The following TRIM37 variants were observed in gnomAD, a reference collection of about 807,000 sequenced individuals.
TRIM37 encodes the protein tripartite motif containing 37.
In TRIM37, 80 loss-of-function variants were observed where a neutral mutation model predicts 129.8. The ratio of observed to expected loss-of-function variants is 0.62; its 90% CI spans 0.51 to 0.74. TRIM37 has a LOEUF of 0.74. TRIM37 is among the 30% of genes least tolerant of loss of function. TRIM37 has a pLI of 0.00. For missense variants in TRIM37, 1,054 were observed against 1,176.5 expected (o/e 0.90, Z 1.52); for synonymous variants, 389 against 387.1 (o/e 1.00, Z -0.06).
downstream of TRIM37, among the ~76,000 whole-genome samples, chr17:58,977,803 C>T (rs1373343651): frequency 2.0e-5 from 3 of 152,104 alleles, 1 homozygote; most frequent in Admixed American, 1.3e-4. Context: ...AGTGCAGTGG[C>T]GCAATCTGGG....
At chr17:59,101,677 AATAT>A (rs1555701174) in intron 2 of TRIM37, among the ~76,000 whole-genome samples, 2,407 of 100,392 alleles carry the variant, frequency 0.024, 70 homozygotes, top group Middle Eastern at 0.039. Context: ...AAAAAAAAAA[AATAT>A]ATATATATAT....
chr17:59,070,899 G>A lies in TRIM37; in HGVS notation c.733C>T (p.Leu245Phe), dbSNP rs1395336733. 6.2e-7 allele frequency: 1 copy of A among 1,613,980 alleles called. No homozygotes were observed. The highest frequency in any genetic ancestry group is 8.5e-7 in the Non-Finnish European group (1 of 1,179,954). Residue 245 changes from leucine (L) to phenylalanine (F), a missense_variant, in exon 9 of 24, where the codon CTT (leucine) becomes TTT (phenylalanine). Coordinates refer to ENST00000262294, the MANE Select transcript of TRIM37 (RefSeq NM_015294.6). ...CGATGAACTTGCTGAAACATCATAA[G>A]GATCTCTGAGCTCTTAGATATCAAC... ...SELISKSSEILMMFQQVHRKP... is the reference protein window; with the variant it reads ...SELISKSSEIFMMFQQVHRKP...
At chr17:58,978,100 C>T (rs2031131112), downstream of TRIM37, among the ~76,000 whole-genome samples, 1 of 152,196 alleles carries the variant, frequency 6.6e-6, no homozygotes, top group Admixed American at 6.5e-5. Context: ...TCAGATTACT[C>T]AAGTGAGTTT....
intron 4 of TRIM37, among the ~76,000 whole-genome samples, chr17:59,085,536 A>C (rs1360371203): frequency 6.6e-6 from 1 of 152,184 alleles, no homozygotes; most frequent in Admixed American, 6.6e-5. Flanking sequence ...AAAAACAAAA[A>C]AGAGCAAGTG....
At chr17:59,037,661 T>G (rs2038700946) in intron 17 of TRIM37, among the ~76,000 whole-genome samples, 1 of 151,708 alleles carries the variant, frequency 6.6e-6, no homozygotes, top group Non-Finnish European at 1.5e-5. Context: ...AGAGTTCCTG[T>G]ACAACCCAGA....
At chr17:58,989,667 T>C (rs1285143251) in intron 24 of TRIM37, among the ~76,000 whole-genome samples, 1 of 151,714 alleles carries the variant, frequency 6.6e-6, no homozygotes, top group African/African-American at 2.4e-5. Context: ...GTTAAAAAAA[T>C]TACCTTAACT....
At chr17:59,091,608 A>T (rs867422895) in intron 2 of TRIM37, among the ~76,000 whole-genome samples, 7 of 75,494 alleles carry the variant, frequency 9.3e-5, no homozygotes, top group Non-Finnish European at 1.3e-4. Flanking sequence ...TATATATATA[A>T]TATATATATA....
intron 13 of TRIM37, among the ~76,000 whole-genome samples, chr17:59,054,587 C>T (rs2040656362): frequency 6.6e-6 from 1 of 152,144 alleles, no homozygotes; most frequent in South Asian, 2.1e-4. Context: ...CAGGCGTGAG[C>T]CACGGCACCC....
chr17:59,001,524 CA>C, intron 23 of TRIM37, 73 bp downstream of exon 23: 1 of 1,589,794 alleles, frequency 6.3e-7, no homozygotes, highest in Non-Finnish European at 8.6e-7. Flanking sequence ...GAAGTAGCAG[CA>C]GCAGAAGAAG....
chr17:59,106,558 A>G lies in TRIM37; in HGVS notation c.-97T>C. On this transcript the variant is annotated 5_prime_UTR_variant, in exon 1 of 24. Transcript: ENST00000262294. Reference sequence around the variant, plus strand: ...AGGTCGCCAGATCAAATCGCCGATAAAAGCCCGGCGCCCACGTCAGGGGGC... The same window carrying G: ...AGGTCGCCAGATCAAATCGCCGATAGAAGCCCGGCGCCCACGTCAGGGGGC... The G allele has an allele frequency of 1.3e-6, 2 of 1,484,238 alleles. No individual in the cohort carries two copies. Among genetic ancestry groups the G allele is most frequent in the South Asian group, 2.4e-5 (2 of 84,944 alleles). The allele number at this position is 1,484,238 out of a possible 1,614,324, so 91.9% of individuals were successfully genotyped here.
At chr17:59,009,103 C>G (rs1158569846) in intron 22 of TRIM37, among the ~76,000 whole-genome samples, 1 of 152,088 alleles carries the variant, frequency 6.6e-6, no homozygotes, top group Non-Finnish European at 1.5e-5. Flanking sequence ...GGTTCAAATT[C>G]TAGCTCTTCC....
chr17:59,083,878 A>C (rs971109052), intron 5 of TRIM37, 124 bp downstream of exon 5: 1 of 803,312 alleles, frequency 1.2e-6, no homozygotes, highest in African/African-American at 1.7e-5. Flanking sequence ...TAAAGCGTAT[A>C]GAAAGCAGAT....
In TRIM37 at chr17:59,009,443, CTTTTTTT is replaced by C. The variant is rs61545184; in HGVS notation, c.2695+2878_2695+2884del. The stretch of plus-strand genomic sequence containing the variant: ...CATGCCCAACCTTCCAATTTCTTTT[CTTTTTTT>C]TTTTTTTTTTTTGAGACGAAGTTTC... On this transcript the variant is annotated intron_variant, in intron 22 of 23. Coordinates refer to ENST00000262294, the MANE Select transcript of TRIM37 (RefSeq NM_015294.6). 8.9e-4 allele frequency among the ~76,000 whole-genome samples: 96 copies of C among 107,610 alleles called. 1 individual carries two copies. Among genetic ancestry groups the C allele is most frequent in the African/African-American group, 3.0e-3 (93 of 31,060 alleles). 70.6% of individuals were successfully genotyped at this position (107,610 alleles called of 152,430 possible). A position where few individuals can be genotyped will look rare whatever the true frequency, so the allele number is the denominator to read the frequency against.
intron 9 of TRIM37, among the ~76,000 whole-genome samples, chr17:59,065,633 G>A (rs1350005321): frequency 6.6e-6 from 1 of 152,170 alleles, no homozygotes; most frequent in Non-Finnish European, 1.5e-5. Flanking sequence ...ATCATACGAT[G>A]TTTTAATAGT....
At chr17:59,022,703 A>G (rs995111217) in intron 19 of TRIM37, among the ~76,000 whole-genome samples, 2 of 152,230 alleles carry the variant, frequency 1.3e-5, no homozygotes, top group African/African-American at 4.8e-5. Context: ...AGTAAATGTT[A>G]GCCATTATTG....
chr17:59,032,664 CAG>C (rs1226974345), intron 17 of TRIM37, among the ~76,000 whole-genome samples: 2 of 151,054 alleles, frequency 1.3e-5, no homozygotes, highest in East Asian at 3.9e-4. Context: ...TAGAAAAAAA[CAG>C]ATGACAATGT....
At chr17:59,012,528 C>G (rs2035421350) in intron 21 of TRIM37, 82 bp from the exon 22 acceptor site, 2 of 951,342 alleles carry the variant, frequency 2.1e-6, no homozygotes, top group Middle Eastern at 2.9e-4. Flanking sequence ...GAGCACCAAA[C>G]TAAGTAGGGT....
At chr17:58,980,596 A>T (rs144328670), downstream of TRIM37, 24 of 1,614,212 alleles carry the variant, frequency 1.5e-5, no homozygotes, top group South Asian at 2.0e-4. The surrounding 1 kb of genome is among the most constrained non-coding windows in gnomAD (Gnocchi z 4.7). Flanking sequence ...TGGAGAAAAA[A>T]TCAGTTCAGT....
intron 19 of TRIM37, among the ~76,000 whole-genome samples, chr17:59,023,061 C>T (rs2036801763): frequency 6.6e-6 from 1 of 151,768 alleles, no homozygotes; most frequent in Non-Finnish European, 1.5e-5. Flanking sequence ...AAGGATGTAC[C>T]TTTTAACTTT....
Sources: allele counts gnomAD v4.1 joint callset (sites outside exome capture counted in the v4.1 genomes callset), GRCh38; gene constraint gnomAD v4.1.1; non-coding constraint Gnocchi (gnomAD v3.1); transcripts MANE v1.5; gene names NCBI Gene and HGNC (gene_info 2026-07-23, HGNC 2026-07-21).